Variants in CCM2L observed in about 807,000 individuals in gnomAD.
The protein encoded by CCM2L is CCM2 like scaffold protein, also known as cerebral cavernous malformations 2 protein-like.
A neutral mutation model predicts 54.1 loss-of-function variants in CCM2L; 36 were observed. The ratio of observed to expected loss-of-function variants is 0.67; its 90% CI spans 0.51 to 0.88. The LOEUF (loss-of-function observed/expected upper bound fraction) is 0.88. Among genes scored for constraint, CCM2L ranks in the 40% least tolerant of loss-of-function variants. The probability of loss-of-function intolerance (pLI) is 0.00; values close to 1 mark genes in which losing one functional copy is unlikely to be tolerated. For synonymous variants in CCM2L, 351 were observed against 359.3 expected (o/e 0.98, Z 0.26); for missense variants, 700 against 812.1 (o/e 0.86, Z 1.68).
chr20:32,029,200 T>G, intron 8 of CCM2L, 76 bp downstream of exon 8: 1 of 1,598,694 alleles, frequency 6.3e-7, no homozygotes, highest in Non-Finnish European at 8.6e-7. Flanking sequence ...GAATGGCACA[T>G]TGCCCTGGAC....
chr20:32,029,030 G>T lies in CCM2L; in HGVS notation c.1169G>T (p.Ser390Ile). The T allele has an allele frequency of 1.9e-6, 3 of 1,614,216 alleles. No homozygotes were observed. Among genetic ancestry groups the T allele is most frequent in the African/African-American group, 1.3e-5 (1 of 75,064 alleles). Reference protein sequence around the residue: ...GSQDTFEACYSGTSTPSFHGS... With the variant: ...GSQDTFEACYIGTSTPSFHGS... ...CAGGACACCTTTGAAGCATGTTACA[G>T]CGGCACGTCCACACCTTCTTTCCAT... Residue 390 changes from serine to isoleucine, a missense_variant, in exon 8 of 10, where the codon AGC (serine) becomes ATC (isoleucine). Coordinates refer to ENST00000452892, the MANE Select transcript of CCM2L (RefSeq NM_001365692.1).
At chr20:32,011,549 G>A (rs762670961) in intron 1 of CCM2L, among the ~76,000 whole-genome samples, 8 of 152,062 alleles carry the variant, frequency 5.3e-5, no homozygotes, top group Non-Finnish European at 1.0e-4. Context: ...AGCCAAGATC[G>A]CGCCACTGCA....
chr20:32,020,698 G>T (rs1021111005), intron 5 of CCM2L, among the ~76,000 whole-genome samples: 22 of 152,036 alleles, frequency 1.4e-4, no homozygotes, highest in African/African-American at 5.3e-4. Context: ...AAATCCTGTT[G>T]GCTCTTATTT....
At position 32,019,172 on chromosome 20, in the gene CCM2L, G is replaced by A. The variant is rs908137061; in HGVS notation, c.696G>A (p.Arg232=). ...TGGAGCGCCAGCGCGCCGGGGCGCG[G>A]GCGTCGGGCAGCTGGGAGCGACGGC... is the stretch of plus-strand genomic sequence containing the variant. The part of the protein sequence containing the change: ...GSLERQRAGA[R]ASGSWERRQT... Residue 232 remains arginine (R), a synonymous_variant, in exon 5 of 10, where the codon CGG becomes CGA. Coordinates refer to ENST00000452892, the MANE Select transcript of CCM2L (RefSeq NM_001365692.1). The A allele has an allele frequency of 1.2e-5, 13 of 1,123,468 alleles. No individual in the cohort carries two copies. The highest frequency in any genetic ancestry group is 1.2e-5 in the Non-Finnish European group (11 of 910,142). The allele number at this position is 1,123,468 out of a possible 1,614,324, so 69.6% of individuals were successfully genotyped here.
chr20:32,024,850 C>T (rs2064839124), intron 6 of CCM2L, among the ~76,000 whole-genome samples: 1 of 152,226 alleles, frequency 6.6e-6, no homozygotes, highest in East Asian at 1.9e-4. Flanking sequence ...TAACCACAGA[C>T]TGTGCTGGGA....
chr20:32,031,540 T>C lies in CCM2L; in HGVS notation c.*226T>C. ...GAAGTCCGGGGCAGTCACCCGGGGC[T>C]CCTGGGCCGCTCTGCCGGGCTGGGG... On this transcript the variant is annotated 3_prime_UTR_variant, in exon 10 of 10. Transcript: ENST00000452892. The C allele has an allele frequency of 3.2e-6, 1 of 307,948 alleles. No individual in the cohort carries two copies. Among genetic ancestry groups the C allele is most frequent in the Non-Finnish European group, 6.1e-6 (1 of 163,774 alleles). 19.1% of individuals were successfully genotyped at this position (307,948 alleles called of 1,614,324 possible).
In CCM2L at chr20:32,017,869, CT is replaced by C. The variant is rs1186034908; in HGVS notation, c.269del (p.Leu90GlnfsTer7). ...CAGTCGGGACGAGCTCCTGCAGCTG[CT>C]AGACACCGCCAGGGTGAGACTCTGG... ...PSSRDELLQL[L>X]DTARQLKELP... On this transcript the variant is annotated frameshift_variant, in exon 3 of 10. Coordinates refer to ENST00000452892, the MANE Select transcript of CCM2L (RefSeq NM_001365692.1). LOFTEE classifies it high-confidence loss of function. 1 of 1,613,914 alleles carries C rather than the reference CT, an allele frequency of 6.2e-7. No homozygotes were observed. Among genetic ancestry groups the C allele is most frequent in the Non-Finnish European group, 8.5e-7 (1 of 1,180,010 alleles).
At chr20:32,021,485 G>A (rs970490727) in intron 5 of CCM2L, among the ~76,000 whole-genome samples, 4 of 152,174 alleles carry the variant, frequency 2.6e-5, no homozygotes, top group South Asian at 2.1e-4. Context: ...GCAAAACACC[G>A]TCTCTACTAA....
In CCM2L at chr20:32,019,008, G is replaced by T. The variant is rs2064771141; in HGVS notation, c.532G>T (p.Gly178Cys). ...CCCAGGCGGCGCAGGACGCGACCCC[G>T]GCCCGCCAGGCGGGGCGCCCGAGAA... ...ASPGGAGRDP[G>C]PPGGAPEKRR... Residue 178 changes from glycine to cysteine, a missense_variant, in exon 5 of 10, where the codon GGC becomes TGC. Transcript: ENST00000452892. The T allele has an allele frequency of 8.9e-6, 12 of 1,341,048 alleles. No individual in the cohort carries two copies. In the South Asian group the frequency reaches 2.1e-4, roughly 24 times the overall value. 83.1% of individuals were successfully genotyped at this position (1,341,048 alleles called of 1,614,324 possible). A position where few individuals can be genotyped will look rare whatever the true frequency, so the allele number is the denominator to read the frequency against.
chr20:32,014,216 T>A (rs1177936874), intron 1 of CCM2L, among the ~76,000 whole-genome samples: 1 of 148,878 alleles, frequency 6.7e-6, no homozygotes, highest in Non-Finnish European at 1.5e-5. Context: ...TTATATATAT[T>A]TATGTATATG....
intron 9 of CCM2L, 150 bp from the exon 10 acceptor site, chr20:32,030,851 G>C (rs12479991): frequency 2.2e-5 from 10 of 459,250 alleles, no homozygotes; most frequent in Non-Finnish European, 3.7e-5. Flanking sequence ...GTCGTTATTC[G>C]CTGGCTCAGA....
rs1022581919 is a variant in CCM2L at position 32,022,510 on chromosome 20, G to A, written c.934-150G>A. On this transcript the variant is annotated intron_variant, in intron 5 of 9. Transcript: ENST00000452892. ...TTCTAAGATCCAGAGAGTAGCCATC[G>A]AATTTTGATGGAAAAATTCTTGAAA... 4.2e-5 allele frequency: 35 copies of A among 826,896 alleles called. No individual in the cohort carries two copies. The African/African-American group carries it at 5.5e-4, about 13-fold the overall frequency. 51.2% of individuals were successfully genotyped at this position (826,896 alleles called of 1,614,324 possible). A position where few individuals can be genotyped will look rare whatever the true frequency, so the allele number is the denominator to read the frequency against.
At chr20:32,028,744 G>A in intron 7 of CCM2L, 1 of 506,640 alleles carries the variant, frequency 2.0e-6, no homozygotes, top group South Asian at 2.3e-5. Flanking sequence ...AGAGGGACCA[G>A]CAGGTGCAAA....
chr20:32,014,796 C>A, intron 1 of CCM2L, 108 bp from the exon 2 acceptor site: 1 of 1,111,052 alleles, frequency 9.0e-7, no homozygotes, highest in Non-Finnish European at 1.3e-6. Flanking sequence ...ACCCCTTCTG[C>A]AGAGTTTTGG....
At chr20:32,018,908 A>G in intron 4 of CCM2L, 35 bp from the exon 5 acceptor site, 1 of 1,273,618 alleles carries the variant, frequency 7.9e-7, no homozygotes, top group Non-Finnish European at 9.9e-7. Context: ...CTGAGTCCCG[A>G]TCCCCGCGGC....
chr20:32,014,082 G>A (rs552704496), intron 1 of CCM2L, among the ~76,000 whole-genome samples: 2 of 152,084 alleles, frequency 1.3e-5, no homozygotes, highest in Admixed American at 6.6e-5. Context: ...TTTTATGCAG[G>A]TGCCTCTGGA....
intron 3 of CCM2L, 36 bp downstream of exon 3, chr20:32,017,919 C>A: frequency 6.2e-7 from 1 of 1,613,180 alleles, no homozygotes; most frequent in Non-Finnish European, 8.5e-7. Flanking sequence ...CAGGATCTCG[C>A]TCCCTTCTCC....
At chr20:32,023,245 C>T (rs898433744) in intron 6 of CCM2L, among the ~76,000 whole-genome samples, 13 of 152,236 alleles carry the variant, frequency 8.5e-5, no homozygotes, top group African/African-American at 1.9e-4. Flanking sequence ...GCCGGGATTA[C>T]AGGCGTGAGC....
chr20:32,030,384 A>G (rs1441884336), intron 9 of CCM2L, among the ~76,000 whole-genome samples: 1 of 152,212 alleles, frequency 6.6e-6, no homozygotes, highest in Non-Finnish European at 1.5e-5. Context: ...AGGAATGGAA[A>G]TAAAACAAAC....
Sources: allele counts gnomAD v4.1 joint callset (sites outside exome capture counted in the v4.1 genomes callset), GRCh38; gene constraint gnomAD v4.1.1; transcripts MANE v1.5; gene names NCBI Gene and HGNC (gene_info 2026-07-23, HGNC 2026-07-21).